Variants in AFF1 observed in about 807,000 individuals in gnomAD.
The protein encoded by AFF1 is ALF transcription elongation factor 1.
AFF1 carries 48 observed loss-of-function variants against 121.7 expected under a neutral mutation model. The observed-to-expected ratio is 0.39, with a 90% CI of 0.31 to 0.50. AFF1 has a LOEUF of 0.50. AFF1 is among the 20% of genes least tolerant of loss of function. The pLI, the probability that AFF1 is intolerant of heterozygous loss-of-function variation, is 0.76. For synonymous variants in AFF1, 613 were observed against 563.0 expected (o/e 1.09, Z -1.26); for missense variants, 1,523 against 1,511.7 (o/e 1.01, Z -0.12).
Position 87,114,712 on chromosome 4 carries a change from A to C in AFF1, c.1879A>C (p.Ser627Arg). The change falls in exon 12 of 21, where the codon AGC (serine) becomes CGC (arginine). Residue 627 changes from serine to arginine, a missense_variant. By Grantham distance (110) the Ser-to-Arg change is moderately radical. Around this residue, in one of 5 missense-constraint regions of AFF1, gnomAD observed 905 missense variants for 842.5 expected, o/e 1.07. Coordinates refer to ENST00000395146, the MANE Select transcript of AFF1 (RefSeq NM_001166693.3). ...CTCTGCCCGGGCAGGTTCACGGACCAGCCTGCAGGGGGAAAGGGAGCCAGG... is the reference window on the plus strand; with the variant it reads ...CTCTGCCCGGGCAGGTTCACGGACCCGCCTGCAGGGGGAAAGGGAGCCAGG... ...KASARAGSRT[S>R]LQGEREPGLL... The C allele has an allele frequency of 6.2e-7, 1 of 1,613,938 alleles. No individual in the cohort carries two copies. Among genetic ancestry groups the C allele is most frequent in the East Asian group, 2.2e-5 (1 of 44,818 alleles).
chr4:87,054,635 T>C (rs1048209445), intron 4 of AFF1, among the ~76,000 whole-genome samples: 1 of 152,224 alleles, frequency 6.6e-6, no homozygotes, highest in East Asian at 1.9e-4. Context: ...AGTAAAGTTA[T>C]CTGTGTGCAG....
intron 12 of AFF1, 91 bp downstream of exon 12, chr4:87,115,390 G>C: frequency 1.2e-5 from 15 of 1,272,774 alleles, no homozygotes; most frequent in Non-Finnish European, 1.6e-5. Context: ...TTTAGGCCCA[G>C]TTGAGTTGTC....
intron 2 of AFF1, among the ~76,000 whole-genome samples, chr4:87,038,979 C>T (rs962173203): frequency 1.3e-5 from 2 of 152,164 alleles, no homozygotes; most frequent in African/African-American, 4.8e-5. Context: ...ACAGCCAGCC[C>T]TGTGGGCCGT....
intron 2 of AFF1, among the ~76,000 whole-genome samples, chr4:86,992,099 ATGAC>A (rs1724776118): frequency 6.6e-6 from 1 of 152,148 alleles, no homozygotes; most frequent in African/African-American, 2.4e-5. Context: ...ATAGGATTCT[ATGAC>A]TGCTTCCTCA....
chr4:87,013,098 C>A (rs1254431602), intron 2 of AFF1, among the ~76,000 whole-genome samples: 1 of 132,438 alleles, frequency 7.6e-6, no homozygotes, highest in East Asian at 2.2e-4. Flanking sequence ...GGCTGGAGTG[C>A]AATGGTGCGA....
At chr4:86,985,214 T>A (rs932306446) in intron 2 of AFF1, among the ~76,000 whole-genome samples, 3,393 of 104,196 alleles carry the variant, frequency 0.033, 89 homozygotes, top group Non-Finnish European at 0.051. Flanking sequence ...TATATATATA[T>A]AAAATTATAT....
chr4:87,134,459 T>G lies in AFF1; in HGVS notation c.3312-12T>G. The G allele has an allele frequency of 5.1e-6, 8 of 1,577,342 alleles. No homozygotes were observed. The highest frequency in any genetic ancestry group is 6.9e-6 in the Non-Finnish European group (8 of 1,163,134). On this transcript the variant is annotated splice_polypyrimidine_tract_variant and intron_variant, in intron 19 of 20. Transcript: ENST00000395146. ...CTGACTGATCAGTTATCTCTTCTCT[T>G]CCACCTCCCAGAAGCACAGGCACAC...
intron 4 of AFF1, among the ~76,000 whole-genome samples, chr4:87,055,012 C>G (rs1020866920): frequency 6.6e-6 from 1 of 152,140 alleles, no homozygotes; most frequent in Non-Finnish European, 1.5e-5. Context: ...GAGTTTCTCT[C>G]TCTCACCCGG....
chr4:87,058,901 T>C (rs1328522790), intron 4 of AFF1, among the ~76,000 whole-genome samples: 2 of 152,154 alleles, frequency 1.3e-5, no homozygotes, highest in Non-Finnish European at 2.9e-5. Context: ...ATTGGATGAA[T>C]TCGAGGAATG....
intron 4 of AFF1, among the ~76,000 whole-genome samples, chr4:87,054,079 C>T (rs1731519655): frequency 6.6e-6 from 1 of 152,216 alleles, no homozygotes; most frequent in African/African-American, 2.4e-5. Context: ...GATATAAGCC[C>T]AGTACCATAG....
chr4:86,979,712 C>T (rs900581177), intron 2 of AFF1, among the ~76,000 whole-genome samples: 4 of 152,150 alleles, frequency 2.6e-5, no homozygotes, highest in African/African-American at 4.8e-5. Context: ...CATATCTTGT[C>T]TATCGGAGTG....
chr4:87,040,442 T>C (rs1397087817), intron 2 of AFF1, among the ~76,000 whole-genome samples: 1 of 152,218 alleles, frequency 6.6e-6, no homozygotes, highest in Non-Finnish European at 1.5e-5. Flanking sequence ...TTGTCTTCAC[T>C]GCTTTATTTA....
rs113026065 is a variant in AFF1 at position 87,114,712 on chromosome 4, A to T, written c.1879A>T (p.Ser627Cys). The change falls in exon 12 of 21, where the codon AGC (serine) becomes TGC (cysteine). Residue 627 changes from serine (S) to cysteine (C), a missense_variant. Coordinates refer to ENST00000395146, the MANE Select transcript of AFF1 (RefSeq NM_001166693.3). ...CTCTGCCCGGGCAGGTTCACGGACC[A>T]GCCTGCAGGGGGAAAGGGAGCCAGG... ...KASARAGSRT[S>C]LQGEREPGLL... is the part of the protein sequence containing the mutation. 1.9e-4 allele frequency: 303 copies of T among 1,613,938 alleles called. 1 individual carries two copies. In the African/African-American group the frequency reaches 2.7e-3, roughly 14 times the overall value.
In AFF1 at chr4:87,131,814, C is replaced by T; in HGVS notation, c.3123C>T (p.Ser1041=). The T allele has an allele frequency of 6.3e-7, 1 of 1,595,490 alleles. No individual in the cohort carries two copies. Among genetic ancestry groups the T allele is most frequent in the Non-Finnish European group, 8.5e-7 (1 of 1,174,602 alleles). ...ATAGATTCATAATGTCATTAAAATC[C>T]TTCTCAGATGCCACAGCGCCAACAC... is the stretch of plus-strand genomic sequence containing the variant. ...DLIKFIMSLK[S]FSDATAPTQE... Residue 1041 remains serine, a synonymous_variant, in exon 18 of 21, where the codon TCC becomes TCT. Transcript: ENST00000395146.
chr4:87,089,852 A>T, intron 5 of AFF1, 132 bp from the exon 6 acceptor site: 1 of 619,920 alleles, frequency 1.6e-6, no homozygotes, highest in Non-Finnish European at 2.7e-6. Flanking sequence ...TTTTTTAAGT[A>T]CATGAAATAA....
At chr4:87,110,419 A>C (rs1244652274) in intron 11 of AFF1, among the ~76,000 whole-genome samples, 2 of 150,578 alleles carry the variant, frequency 1.3e-5, no homozygotes, top group Non-Finnish European at 3.0e-5. Context: ...TGTGCTGGCA[A>C]ATACTAGATC....
At chr4:86,970,971 G>A (rs1560509153) in intron 2 of AFF1, among the ~76,000 whole-genome samples, 1 of 152,192 alleles carries the variant, frequency 6.6e-6, no homozygotes, top group African/African-American at 2.4e-5. Context: ...GTCGGCCGTT[G>A]GAAAGTTGTT....
chr4:86,967,376 A>G (rs1178566241), intron 2 of AFF1, among the ~76,000 whole-genome samples: 1 of 152,248 alleles, frequency 6.6e-6, no homozygotes, highest in Non-Finnish European at 1.5e-5. Context: ...AATGAAGTTC[A>G]CTGTAGCTGG....
intron 1 of AFF1, among the ~76,000 whole-genome samples, chr4:86,937,185 A>G (rs1720071064): frequency 6.6e-6 from 1 of 152,252 alleles, no homozygotes; most frequent in African/African-American, 2.4e-5. Flanking sequence ...TCACTGTAAC[A>G]ATTGAATTTG....
Sources: gnomAD v4.1 joint callset for allele counts (sites outside exome capture counted in the v4.1 genomes callset) on GRCh38, gnomAD v4.1.1 for gene constraint, gnomAD v4.1.1 regional missense constraint, MANE v1.5 for transcripts, NCBI Gene and HGNC (gene_info 2026-07-23, HGNC 2026-07-21) for gene names.